Variants in DYNC2H1 observed in about 807,000 individuals in gnomAD.
DYNC2H1 encodes cytoplasmic dynein 2 heavy chain 1.
In DYNC2H1, 410 loss-of-function variants were observed where a neutral mutation model predicts 570.0. The observed-to-expected ratio is 0.72, with a 90% confidence interval of 0.66 to 0.78. DYNC2H1 has a LOEUF of 0.78. Among genes scored for constraint, DYNC2H1 ranks in the 30% least tolerant of loss-of-function variants. DYNC2H1 has a pLI of 0.00. For synonymous variants in DYNC2H1, 1,688 were observed against 1,677.6 expected (o/e 1.01, Z -0.15); for missense variants, 4,865 against 5,046.4 (o/e 0.96, Z 1.09).
At chr11:103,411,685 C>T (rs1338804836) in intron 84 of DYNC2H1, among the ~76,000 whole-genome samples, 1 of 151,826 alleles carries the variant, frequency 6.6e-6, no homozygotes, top group Non-Finnish European at 1.5e-5. Flanking sequence ...AGGGGTCATA[C>T]ATTTTTAATT....
chr11:103,406,520 G>T (rs958981091), intron 84 of DYNC2H1: 1 of 151,886 alleles, frequency 6.6e-6, no homozygotes, highest in Non-Finnish European at 1.5e-5. Context: ...AGAATTAGTG[G>T]GATTATAGGT....
chr11:103,254,028 A>G lies in DYNC2H1; in HGVS notation c.10206+580A>G, dbSNP rs913792448. On this transcript the variant is annotated intron_variant, in intron 66 of 88. Coordinates refer to ENST00000375735, the MANE Select transcript of DYNC2H1 (RefSeq NM_001377.3). This position sits in a 1 kb window ranked among gnomAD's most constrained non-coding sequence, Gnocchi z 4.9. ...CAGTTGACTTTTGGAGTATCATCCT[A>G]TTTTTTACTCATCTAACAATAGTAG... is the stretch of plus-strand genomic sequence containing the variant. Among the ~76,000 whole-genome samples the G allele has an allele frequency of 7.2e-5, 11 of 151,942 alleles. No individual in the cohort carries two copies. The highest frequency in any genetic ancestry group is 2.4e-4 in the African/African-American group (10 of 41,376).
intron 70 of DYNC2H1, among the ~76,000 whole-genome samples, chr11:103,279,311 G>T (rs1866036667): frequency 6.6e-6 from 1 of 152,042 alleles, no homozygotes; most frequent in Non-Finnish European, 1.5e-5. Context: ...AATTGAACCA[G>T]TTCTTACTTA....
rs1400922999 is a variant in DYNC2H1, at chr11:103,273,139, T to C, written c.10696-7209T>C. On this transcript the variant is annotated intron_variant, in intron 70 of 88. Coordinates refer to ENST00000375735, the MANE Select transcript of DYNC2H1 (RefSeq NM_001377.3). ...TTTTTCTCCCTTCCCTTCCCTCCCC[T>C]CCCCTTTTCTTTTCTTTTTCTTTTC... is the stretch of plus-strand genomic sequence containing the variant. Among the ~76,000 whole-genome samples the C allele has an allele frequency of 6.0e-5, 9 of 149,550 alleles. No individual in the cohort carries two copies. In the Admixed American group the frequency reaches 6.0e-4, roughly 10 times the overall value.
chr11:103,341,006 A>G (rs1195165569), intron 82 of DYNC2H1, among the ~76,000 whole-genome samples: 1 of 152,154 alleles, frequency 6.6e-6, no homozygotes, highest in African/African-American at 2.4e-5. Flanking sequence ...TCAATGAGGA[A>G]CACAAAGCTG....
At chr11:103,240,054 G>A (rs1864370499) in intron 63 of DYNC2H1, among the ~76,000 whole-genome samples, 1 of 151,972 alleles carries the variant, frequency 6.6e-6, no homozygotes, top group African/African-American at 2.4e-5. Flanking sequence ...TCCTCCAGTG[G>A]CCAGTTATAG....
intron 58 of DYNC2H1, 66 bp downstream of exon 58, chr11:103,222,219 T>C (rs1162785464): frequency 4.5e-6 from 5 of 1,106,108 alleles, no homozygotes; most frequent in Non-Finnish European, 4.9e-6. Context: ...TTTTAAAATG[T>C]GGTGCTTTGT....
chr11:103,171,864 T>C (rs1402189280), intron 34 of DYNC2H1, among the ~76,000 whole-genome samples: 1 of 152,168 alleles, frequency 6.6e-6, no homozygotes, highest in East Asian at 1.9e-4. Context: ...ATGAAGCACA[T>C]GTTTTTGATC....
At chr11:103,391,431 G>T (rs979124776) in intron 83 of DYNC2H1, among the ~76,000 whole-genome samples, 1 of 152,080 alleles carries the variant, frequency 6.6e-6, no homozygotes, top group South Asian at 2.1e-4. Context: ...GCTTCTTTGC[G>T]ATGGGTTCAG....
At chr11:103,414,122 G>A (rs2135697039) in intron 84 of DYNC2H1, among the ~76,000 whole-genome samples, 1 of 152,082 alleles carries the variant, frequency 6.6e-6, no homozygotes, top group African/African-American at 2.4e-5. Context: ...AGCCAAAATA[G>A]GACATAAGAT....
chr11:103,376,986 TCTGA>T (rs1323608731), intron 83 of DYNC2H1, among the ~76,000 whole-genome samples: 1 of 152,228 alleles, frequency 6.6e-6, no homozygotes, highest in Non-Finnish European at 1.5e-5. Context: ...TGCTGTGAAA[TCTGA>T]CTGTCTAGTG....
chr11:103,112,794 A>G (rs1858176503), intron 1 of DYNC2H1, among the ~76,000 whole-genome samples: 1 of 152,192 alleles, frequency 6.6e-6, no homozygotes, highest in African/African-American at 2.4e-5. Context: ...AATGAGAATA[A>G]CTGAGAATGT....
At chr11:103,200,432 A>G (rs1407193228) in intron 50 of DYNC2H1, among the ~76,000 whole-genome samples, 1 of 152,198 alleles carries the variant, frequency 6.6e-6, no homozygotes. Flanking sequence ...ATTATCTGTT[A>G]TAACCTTTGG....
chr11:103,117,639 T>C lies in DYNC2H1; in HGVS notation c.775T>C (p.Phe259Leu). The change falls in exon 6 of 89, where the codon TTT becomes CTT. Residue 259 changes from phenylalanine to leucine, a missense_variant. Physicochemically the swap from Phe to Leu is conservative, Grantham distance 22. Transcript: ENST00000375735. ...LHLLDIIGGS[F>L]GRFVQKKLGT... ...GCTTTATGTTTTATTAGGTGGTTCATTTGGAAGGTTTGTTCAGAAAAAGTT... is the reference window on the plus strand; with the variant it reads ...GCTTTATGTTTTATTAGGTGGTTCACTTGGAAGGTTTGTTCAGAAAAAGTT... 6.3e-7 allele frequency: 1 copy of C among 1,595,970 alleles called. No homozygotes were observed.
rs529254700 is a variant in DYNC2H1, at chr11:103,204,715, G to T, written c.8312-107G>T. On this transcript the variant is annotated intron_variant, in intron 51 of 88. Coordinates refer to ENST00000375735, the MANE Select transcript of DYNC2H1 (RefSeq NM_001377.3). The surrounding 1 kb of genome is among the most constrained non-coding windows in gnomAD (Gnocchi z 4.1). ...CATAATATTGTTTTATATTGTGCTC[G>T]TTTTAAGAAACAACTCCTACTATTT... 2.6e-6 allele frequency: 2 copies of T among 764,088 alleles called. No homozygotes were observed. The highest frequency in any genetic ancestry group is 4.0e-6 in the Non-Finnish European group (2 of 495,404). The allele number at this position is 764,088 out of a possible 1,614,324, so 47.3% of individuals were successfully genotyped here. A position where few individuals can be genotyped will look rare whatever the true frequency, so the allele number is the denominator to read the frequency against.
chr11:103,232,181 C>T (rs1006834828), intron 60 of DYNC2H1, among the ~76,000 whole-genome samples: 1 of 151,822 alleles, frequency 6.6e-6, no homozygotes, highest in Non-Finnish European at 1.5e-5. Flanking sequence ...CTTGTTATGG[C>T]AATGTTTTGA....
rs1238534319 is a variant in DYNC2H1 at position 103,440,276 on chromosome 11, C to T, written c.12456+4244C>T. On this transcript the variant is annotated intron_variant, in intron 85 of 88. Transcript: ENST00000375735. Reference sequence around the variant, plus strand: ...TTAATGGACTCCTAAATATCTCCCCCATTATGCTTCCATTGGAAAGCAAAC... The same window carrying T: ...TTAATGGACTCCTAAATATCTCCCCTATTATGCTTCCATTGGAAAGCAAAC... Among the ~76,000 whole-genome samples the T allele has an allele frequency of 3.3e-5, 5 of 152,130 alleles. No homozygotes were observed. The South Asian group carries it at 6.2e-4, about 19-fold the overall frequency.
chr11:103,216,598 C>T (rs1023262244), intron 55 of DYNC2H1, among the ~76,000 whole-genome samples: 1 of 152,072 alleles, frequency 6.6e-6, no homozygotes. Flanking sequence ...TAAGGACCAG[C>T]CTGGGCAATA....
rs1365048195 is a variant in DYNC2H1 at position 103,275,409 on chromosome 11, G to T, written c.10696-4939G>T. On this transcript the variant is annotated intron_variant, in intron 70 of 88. Coordinates refer to ENST00000375735, the MANE Select transcript of DYNC2H1 (RefSeq NM_001377.3). The surrounding 1 kb of genome is among the most constrained non-coding windows in gnomAD (Gnocchi z 4.8). ...TCACTCTTGGTATTGTACCTTATAT[G>T]GATTTTGAGAAATTTAAATGACATG... 6.6e-6 allele frequency among the ~76,000 whole-genome samples: 1 copy of T among 152,050 alleles called. No homozygotes were observed. The highest frequency in any genetic ancestry group is 2.4e-5 in the African/African-American group (1 of 41,406).
Sources: gnomAD v4.1 joint callset for allele counts (sites outside exome capture counted in the v4.1 genomes callset) on GRCh38, gnomAD v4.1.1 for gene constraint, Gnocchi (gnomAD v3.1) non-coding constraint, MANE v1.5 for transcripts, NCBI Gene and HGNC (gene_info 2026-07-23, HGNC 2026-07-21) for gene names.